The following SH3RF3 variants were observed in gnomAD, a reference collection of about 807,000 sequenced individuals.
SH3RF3 encodes the protein SH3 domain containing ring finger 3, also known as E3 ubiquitin-protein ligase SH3RF3.
Under a neutral mutation model 66.3 loss-of-function variants are expected in SH3RF3, and 29 were observed. The observed-to-expected ratio is 0.44, with a 90% CI of 0.33 to 0.60. SH3RF3 has a LOEUF of 0.60. SH3RF3 is among the 20% of genes least tolerant of loss of function. The pLI is 0.04. For missense variants in SH3RF3, 1,194 were observed against 1,190.9 expected (o/e 1.00, Z -0.04); for synonymous variants, 583 against 532.0 (o/e 1.10, Z -1.32).
intron 1 of SH3RF3, among the ~76,000 whole-genome samples, chr2:109,159,678 C>T (rs1677439190): frequency 1.3e-5 from 2 of 152,186 alleles, no homozygotes; most frequent in Non-Finnish European, 2.9e-5. Flanking sequence ...GCGAGCAAAG[C>T]TATAGCTGTA....
chr2:109,277,089 C>T (rs1045814198), intron 1 of SH3RF3, among the ~76,000 whole-genome samples: 7 of 152,156 alleles, frequency 4.6e-5, no homozygotes, highest in South Asian at 2.1e-4. Flanking sequence ...CCCACGCCGG[C>T]GGTCCCTCAA....
chr2:109,449,445 C>T lies in SH3RF3; in HGVS notation c.2104C>T (p.Pro702Ser). The T allele has an allele frequency of 1.2e-6, 2 of 1,613,994 alleles. No individual in the cohort carries two copies. The highest frequency in any genetic ancestry group is 1.7e-6 in the Non-Finnish European group (2 of 1,179,880). ...GPIGVLSTSS[P>S]TNTGCKLDEK... ...CATCGGTGTTCTGTCCACATCCAGCCCCACCAACACGGGATGCAAACTAGA... is the reference window on the plus strand; with the variant it reads ...CATCGGTGTTCTGTCCACATCCAGCTCCACCAACACGGGATGCAAACTAGA... Residue 702 changes from proline to serine, a missense_variant, in exon 8 of 10, where the codon CCC (proline) becomes TCC (serine). Coordinates refer to ENST00000309415, the MANE Select transcript of SH3RF3 (RefSeq NM_001099289.3).
intron 1 of SH3RF3, among the ~76,000 whole-genome samples, chr2:109,224,455 A>G (rs1441852259): frequency 6.6e-6 from 1 of 152,206 alleles, no homozygotes; most frequent in Non-Finnish European, 1.5e-5. Context: ...TGTGCATAGC[A>G]GCAGTGATGG....
chr2:109,163,770 C>T (rs943514293), intron 1 of SH3RF3, among the ~76,000 whole-genome samples: 4 of 152,148 alleles, frequency 2.6e-5, no homozygotes, highest in African/African-American at 4.8e-5. Context: ...TGTGTGCAGT[C>T]GGCAGCTCAG....
intron 8 of SH3RF3, among the ~76,000 whole-genome samples, chr2:109,486,392 A>C (rs1487330299): frequency 2.6e-5 from 4 of 152,226 alleles, no homozygotes; most frequent in Non-Finnish European, 5.9e-5. Flanking sequence ...CTCCCAAGGC[A>C]AGGCAGGTGG....
At chr2:109,314,859 G>A (rs935438531) in intron 1 of SH3RF3, among the ~76,000 whole-genome samples, 11 of 152,210 alleles carry the variant, frequency 7.2e-5, no homozygotes, top group African/African-American at 2.7e-4. Context: ...AATATTAGAG[G>A]AGACCCTCTG....
At chr2:109,403,267 C>T (rs1470363887) in intron 4 of SH3RF3, among the ~76,000 whole-genome samples, 1 of 152,210 alleles carries the variant, frequency 6.6e-6, no homozygotes, top group Non-Finnish European at 1.5e-5. Context: ...AGGGGTGCGT[C>T]TGTAGTTTGC....
At chr2:109,398,976 G>C (rs371087893) in intron 4 of SH3RF3, 33 bp downstream of exon 4, 16 of 1,563,258 alleles carry the variant, frequency 1.0e-5, no homozygotes, top group South Asian at 2.4e-5. Flanking sequence ...AGGCATCCCT[G>C]GGTTCTCTGG....
At chr2:109,338,797 A>T (rs1038962817) in intron 1 of SH3RF3, among the ~76,000 whole-genome samples, 8 of 152,134 alleles carry the variant, frequency 5.3e-5, no homozygotes, top group Non-Finnish European at 1.0e-4. Flanking sequence ...ACCTCAGGTG[A>T]TCCACCCGCC....
chr2:109,384,929 A>G (rs1395937637), intron 3 of SH3RF3, among the ~76,000 whole-genome samples: 3 of 152,244 alleles, frequency 2.0e-5, no homozygotes, highest in South Asian at 2.1e-4. Context: ...TTACTTCACT[A>G]TTGCTTAAAG....
intron 8 of SH3RF3, among the ~76,000 whole-genome samples, chr2:109,451,879 G>A (rs2104644475): frequency 6.6e-6 from 1 of 152,350 alleles, no homozygotes; most frequent in South Asian, 2.1e-4. Context: ...CTGGACACAT[G>A]CTGTGGGAGC....
At chr2:109,185,692 T>A (rs561043265) in intron 1 of SH3RF3, among the ~76,000 whole-genome samples, 5 of 152,316 alleles carry the variant, frequency 3.3e-5, no homozygotes, top group African/African-American at 7.2e-5. Context: ...TGGCTCTTGG[T>A]GGAAAAGACG....
intron 1 of SH3RF3, among the ~76,000 whole-genome samples, chr2:109,186,969 A>G (rs912217645): frequency 2.6e-5 from 4 of 152,062 alleles, no homozygotes; most frequent in African/African-American, 4.8e-5. Flanking sequence ...TGCCTCCCCA[A>G]CCTGTGCCCC....
chr2:109,422,256 C>T (rs904028457), intron 5 of SH3RF3, among the ~76,000 whole-genome samples: 1 of 152,220 alleles, frequency 6.6e-6, no homozygotes, highest in African/African-American at 2.4e-5. Flanking sequence ...TTGGGGACTC[C>T]AGCCAGGGCC....
chr2:109,429,681 G>A lies in SH3RF3; in HGVS notation c.1404-2820G>A, dbSNP rs1010097211. Among the ~76,000 whole-genome samples the A allele has an allele frequency of 1.1e-4, 16 of 152,130 alleles. 1 individual carries two copies. The highest frequency in any genetic ancestry group is 6.3e-3 in the Middle Eastern group (2 of 316). On this transcript the variant is annotated intron_variant, in intron 5 of 9. Coordinates refer to ENST00000309415, the MANE Select transcript of SH3RF3 (RefSeq NM_001099289.3). ...CCGCGCTGACAGCTCCAGCAGCCCA[G>A]CCCTGGCCCTACCCCTGAACATGCG... is the stretch of plus-strand genomic sequence containing the variant.
At position 109,502,951 on chromosome 2, in the gene SH3RF3, G is replaced by T. The variant is rs1293825936; in HGVS notation, c.*1280G>T. 1 of 152,198 alleles carries T rather than the reference G, an allele frequency of 6.6e-6. No homozygotes were observed. The highest frequency in any genetic ancestry group is 2.4e-5 in the African/African-American group (1 of 41,450). 9.4% of individuals were successfully genotyped at this position (152,198 alleles called of 1,614,324 possible). A position where few individuals can be genotyped will look rare whatever the true frequency, so the allele number is the denominator to read the frequency against. On this transcript the variant is annotated 3_prime_UTR_variant, in exon 10 of 10. Transcript: ENST00000309415. ...AACCTTCATCTGCTGGAGACCAGAG[G>T]TACAAGGAGATCAGGGGGTTGCAGC... is the stretch of plus-strand genomic sequence containing the variant.
At chr2:109,393,722 G>A (rs1676064179) in intron 3 of SH3RF3, among the ~76,000 whole-genome samples, 1 of 151,952 alleles carries the variant, frequency 6.6e-6, no homozygotes, top group Non-Finnish European at 1.5e-5. Context: ...TGCTGAGGTT[G>A]CTCTTCCTCC....
intron 1 of SH3RF3, among the ~76,000 whole-genome samples, chr2:109,333,039 G>C (rs566825352): frequency 1.3e-5 from 2 of 152,374 alleles, no homozygotes; most frequent in East Asian, 1.9e-4. Flanking sequence ...GATTGGGAAT[G>C]CGCGTGAGTG....
At chr2:109,404,198 G>A (rs982782342) in intron 4 of SH3RF3, among the ~76,000 whole-genome samples, 12 of 152,214 alleles carry the variant, frequency 7.9e-5, no homozygotes, top group African/African-American at 2.9e-4. Context: ...AAGAAAAAGT[G>A]TCAGAGACTG....
Sources: allele counts gnomAD v4.1 joint callset (sites outside exome capture counted in the v4.1 genomes callset), GRCh38; gene constraint gnomAD v4.1.1; transcripts MANE v1.5; gene names NCBI Gene and HGNC (gene_info 2026-07-23, HGNC 2026-07-21).